The following RNF19B variants were observed in gnomAD, a reference collection of about 807,000 sequenced individuals.
RNF19B encodes the protein E3 ubiquitin-protein ligase RNF19B.
Under a neutral mutation model 65.5 loss-of-function variants are expected in RNF19B, and 23 were observed. The observed-to-expected ratio is 0.35, with a 90% confidence interval of 0.25 to 0.50. The LOEUF is 0.50. RNF19B is among the 20% of genes least tolerant of loss of function. The pLI, the probability that RNF19B is intolerant of heterozygous loss-of-function variation, is 0.98. For synonymous variants in RNF19B, 372 were observed against 379.6 expected (o/e 0.98, Z 0.23); for missense variants, 794 against 980.0 (o/e 0.81, Z 2.53).
intron 1 of RNF19B, among the ~76,000 whole-genome samples, chr1:32,961,561 G>A (rs1642769675): frequency 6.6e-6 from 1 of 151,926 alleles, no homozygotes; most frequent in Non-Finnish European, 1.5e-5. Context: ...ATATATACCT[G>A]GCACACAGGT....
intron 7 of RNF19B, among the ~76,000 whole-genome samples, chr1:32,939,962 A>G (rs1216987052): frequency 1.3e-5 from 2 of 152,224 alleles, no homozygotes; most frequent in Non-Finnish European, 1.5e-5. Flanking sequence ...GATAAGAGAC[A>G]ACCAGAGTCA....
rs2124203042 is a variant in RNF19B, at chr1:32,964,413, C to T, written c.273G>A (p.Glu91=). The T allele has an allele frequency of 7.9e-7, 1 of 1,267,512 alleles. No homozygotes were observed. Among genetic ancestry groups the T allele is most frequent in the Non-Finnish European group, 9.9e-7 (1 of 1,008,402 alleles). 78.5% of individuals were successfully genotyped at this position (1,267,512 alleles called of 1,614,324 possible). A position where few individuals can be genotyped will look rare whatever the true frequency, so the allele number is the denominator to read the frequency against. ...PAEPAAEAEA[E]AAAAAAEPGF... The stretch of plus-strand genomic sequence containing the variant: ...CAGGCTCCGCCGCCGCCGCCGCGGC[C>T]TCCGCCTCGGCCTCGGCGGCCGGCT... Residue 91 remains glutamate, a synonymous_variant, in exon 1 of 9, where the codon GAG becomes GAA. Transcript: ENST00000235150. The surrounding 1 kb of genome is among the most constrained non-coding windows in gnomAD (Gnocchi z 6.5).
chr1:32,933,966 AAAG>A (rs2124093920), downstream of RNF19B, among the ~76,000 whole-genome samples: 1 of 152,328 alleles, frequency 6.6e-6, no homozygotes, highest in African/African-American at 2.4e-5. Context: ...TGATTTTATC[AAAG>A]AAGTGAATTG....
intron 1 of RNF19B, among the ~76,000 whole-genome samples, chr1:32,952,344 A>T (rs1345243336): frequency 6.6e-6 from 1 of 150,638 alleles, no homozygotes; most frequent in African/African-American, 2.5e-5. Flanking sequence ...CTGTAATCTC[A>T]GCACTTTGGG....
downstream of RNF19B, among the ~76,000 whole-genome samples, chr1:32,934,061 T>G (rs79373820): frequency 6.4e-3 from 972 of 152,350 alleles, 9 homozygotes; most frequent in African/African-American, 0.023. Context: ...TGCCTCTTTT[T>G]CCAACAAGTT....
At chr1:32,932,967 A>G (rs1385078613), downstream of RNF19B, among the ~76,000 whole-genome samples, 3 of 152,154 alleles carry the variant, frequency 2.0e-5, no homozygotes, top group Non-Finnish European at 4.4e-5. Context: ...TTGCTCCATT[A>G]AAGTCTCTAA....
At chr1:32,955,318 T>C (rs563691976) in intron 1 of RNF19B, among the ~76,000 whole-genome samples, 10 of 152,052 alleles carry the variant, frequency 6.6e-5, no homozygotes, top group Non-Finnish European at 1.0e-4. Flanking sequence ...TATCCATGTA[T>C]CTATTGGCTT....
intron 1 of RNF19B, among the ~76,000 whole-genome samples, chr1:32,952,815 A>AG (rs1461059842): frequency 2.0e-5 from 3 of 150,388 alleles, no homozygotes; most frequent in Admixed American, 2.0e-4. Flanking sequence ...TGGGAGGCTG[A>AG]GGTGGGAGGA....
chr1:32,953,337 C>T (rs1412691159), intron 1 of RNF19B, among the ~76,000 whole-genome samples: 1 of 151,952 alleles, frequency 6.6e-6, no homozygotes, highest in Non-Finnish European at 1.5e-5. Context: ...TGCACTCTGT[C>T]CTCTATTCCA....
At chr1:32,929,430 A>C in the RNF19B span, among the ~76,000 whole-genome samples, 11 of 152,184 alleles carry the variant, frequency 7.2e-5, no homozygotes, top group Non-Finnish European at 1.5e-4. Context: ...GAAGGGACAC[A>C]ATTCGACCCA....
intron 1 of RNF19B, among the ~76,000 whole-genome samples, chr1:32,959,759 C>CG (rs1642725405): frequency 6.6e-6 from 1 of 151,838 alleles, no homozygotes; most frequent in African/African-American, 2.4e-5. Context: ...AATGTGAGGC[C>CG]GGGCACAGTG....
chr1:32,942,468 A>G lies in RNF19B; in HGVS notation c.1403-9T>C. On this transcript the variant is annotated splice_polypyrimidine_tract_variant and intron_variant, in intron 6 of 8. Coordinates refer to ENST00000235150, the MANE Select transcript of RNF19B (RefSeq NM_001300826.2). Reference sequence around the variant, plus strand: ...TCTCCAGGCATCTGCCACTGGGGATAGAACCAAACATCCAATTCAAGACAG... The same window carrying G: ...TCTCCAGGCATCTGCCACTGGGGATGGAACCAAACATCCAATTCAAGACAG... 1 of 1,610,152 alleles carries G rather than the reference A, an allele frequency of 6.2e-7. No individual in the cohort carries two copies. Among genetic ancestry groups the G allele is most frequent in the Non-Finnish European group, 8.5e-7 (1 of 1,176,692 alleles).
downstream of RNF19B, among the ~76,000 whole-genome samples, chr1:32,932,248 C>T (rs972675092): frequency 6.6e-6 from 1 of 152,220 alleles, no homozygotes; most frequent in Non-Finnish European, 1.5e-5. Flanking sequence ...GAGGCCACTA[C>T]AGGTTGACTA....
intron 1 of RNF19B, among the ~76,000 whole-genome samples, chr1:32,951,960 T>G (rs1468330781): frequency 2.6e-5 from 2 of 77,292 alleles, no homozygotes; most frequent in South Asian, 8.0e-4. Context: ...ACGCCCGGCT[T>G]TTTTTTTTTT....
intron 7 of RNF19B, among the ~76,000 whole-genome samples, chr1:32,938,965 G>A: frequency 6.6e-6 from 1 of 152,124 alleles, no homozygotes; most frequent in East Asian, 1.9e-4. Flanking sequence ...ACTCCCTATA[G>A]ATCCGAAATC....
intron 1 of RNF19B, among the ~76,000 whole-genome samples, chr1:32,957,566 G>A (rs1000084351): frequency 1.3e-5 from 2 of 152,158 alleles, no homozygotes; most frequent in Admixed American, 6.6e-5. Context: ...AGGTGTGGTG[G>A]CTCACACCTG....
At chr1:32,953,472 C>A (rs1457932453) in intron 1 of RNF19B, among the ~76,000 whole-genome samples, 1 of 152,068 alleles carries the variant, frequency 6.6e-6, no homozygotes, top group East Asian at 1.9e-4. Flanking sequence ...CATAGCAACT[C>A]AAGTTCTCAG....
intron 6 of RNF19B, among the ~76,000 whole-genome samples, chr1:32,943,407 C>G (rs185666714): frequency 6.6e-6 from 1 of 151,230 alleles, no homozygotes; most frequent in Non-Finnish European, 1.5e-5. Context: ...GTGAGGAGAT[C>G]GAGATCTTCC....
intron 7 of RNF19B, among the ~76,000 whole-genome samples, chr1:32,941,527 A>C (rs1231867767): frequency 6.6e-6 from 1 of 151,346 alleles, no homozygotes; most frequent in Non-Finnish European, 1.5e-5. Flanking sequence ...GCGACAGAGC[A>C]AGACTCCGTC....
Sources: gnomAD v4.1 joint callset for allele counts (sites outside exome capture counted in the v4.1 genomes callset) on GRCh38, gnomAD v4.1.1 for gene constraint, Gnocchi (gnomAD v3.1) non-coding constraint, MANE v1.5 for transcripts, NCBI Gene and HGNC (gene_info 2026-07-23, HGNC 2026-07-21) for gene names.